SLC35F4: variants seen among roughly 807,000 people sequenced by gnomAD.
SLC35F4 encodes solute carrier family 35 member F4.
A neutral mutation model predicts 44.2 loss-of-function variants in SLC35F4; 24 were observed. The ratio of observed to expected loss-of-function variants is 0.54; its 90% CI spans 0.39 to 0.76. The LOEUF (loss-of-function observed/expected upper bound fraction) is 0.76. SLC35F4 is among the 30% of genes least tolerant of loss of function. The probability of loss-of-function intolerance (pLI) is 0.00; values close to 1 mark genes in which losing one functional copy is unlikely to be tolerated. For missense variants in SLC35F4, 562 were observed against 586.1 expected (o/e 0.96, Z 0.42); for synonymous variants, 238 against 223.6 (o/e 1.06, Z -0.57).
chr14:57,803,660 G>T (rs1184308045), intron 1 of SLC35F4, among the ~76,000 whole-genome samples: 1 of 145,296 alleles, frequency 6.9e-6, no homozygotes, highest in Non-Finnish European at 1.5e-5. Context: ...CACGATCATG[G>T]CTCATTGCAA....
intron 1 of SLC35F4, among the ~76,000 whole-genome samples, chr14:57,620,086 G>A (rs1270409484): frequency 2.0e-5 from 3 of 152,102 alleles, no homozygotes; most frequent in South Asian, 2.1e-4. Flanking sequence ...TGAAAGTTAC[G>A]GGGAGAATGG....
At chr14:57,607,166 G>C (rs2071210452) in intron 1 of SLC35F4, among the ~76,000 whole-genome samples, 1 of 152,138 alleles carries the variant, frequency 6.6e-6, no homozygotes, top group Admixed American at 6.5e-5. Flanking sequence ...CTTCTCTTTG[G>C]GGAAGTGGGC....
In SLC35F4 at chr14:57,623,031, A is replaced by T. The variant is rs539674743; in HGVS notation, c.104-28907T>A. Among the ~76,000 whole-genome samples, 6 of 152,206 alleles carry T rather than the reference A, an allele frequency of 3.9e-5. No homozygotes were observed. The South Asian group carries it at 1.2e-3, about 32-fold the overall frequency. The stretch of plus-strand genomic sequence containing the variant: ...ACACAGACTGGCAAATTGGATAAAG[A>T]GTCAAGACCCATCAGTGTGCTGTAT... On this transcript the variant is annotated intron_variant, in intron 1 of 7. Transcript: ENST00000556826.
chr14:57,646,161 T>C (rs2073499942), intron 1 of SLC35F4, among the ~76,000 whole-genome samples: 1 of 152,250 alleles, frequency 6.6e-6, no homozygotes, highest in South Asian at 2.1e-4. Context: ...AAGGATTCCC[T>C]CTTTTTCTAT....
At chr14:57,813,484 G>A (rs1043344675) in intron 1 of SLC35F4, among the ~76,000 whole-genome samples, 5 of 152,134 alleles carry the variant, frequency 3.3e-5, no homozygotes, top group African/African-American at 1.2e-4. Context: ...CAGCTACACG[G>A]GAGGCTGAGG....
intron 1 of SLC35F4, among the ~76,000 whole-genome samples, chr14:57,683,139 T>C (rs1311312343): frequency 6.6e-6 from 1 of 152,208 alleles, no homozygotes; most frequent in East Asian, 1.9e-4. Context: ...CATAGCTAAT[T>C]CATTTTCTGA....
At chr14:57,675,868 T>C (rs776841659) in intron 1 of SLC35F4, among the ~76,000 whole-genome samples, 1 of 152,118 alleles carries the variant, frequency 6.6e-6, no homozygotes, top group Non-Finnish European at 1.5e-5. Flanking sequence ...ATAAAAATTC[T>C]AGAAGATAGC....
At chr14:57,599,453 T>C (rs1347629095) in intron 1 of SLC35F4, among the ~76,000 whole-genome samples, 4 of 152,176 alleles carry the variant, frequency 2.6e-5, no homozygotes, top group Non-Finnish European at 5.9e-5. Flanking sequence ...TGTGAAACAC[T>C]GTATGTGAGA....
At chr14:57,874,216 C>T (rs188151150) in intron 1 of SLC35F4, among the ~76,000 whole-genome samples, 2 of 152,184 alleles carry the variant, frequency 1.3e-5, no homozygotes, top group Admixed American at 1.3e-4. Flanking sequence ...TCTGCTAACC[C>T]CATCCTCCTT....
intron 1 of SLC35F4, among the ~76,000 whole-genome samples, chr14:57,648,985 G>C (rs554675766): frequency 4.1e-4 from 62 of 150,516 alleles, no homozygotes; most frequent in African/African-American, 1.5e-3. Context: ...CTTCCTTCCT[G>C]TCTGCACACT....
At chr14:57,874,553 C>T (rs184586722) in intron 1 of SLC35F4, among the ~76,000 whole-genome samples, 1 of 152,292 alleles carries the variant, frequency 6.6e-6, no homozygotes, top group Admixed American at 6.5e-5. Context: ...AAGAAGGAAA[C>T]TGAGGCTAGA....
chr14:57,663,488 T>C (rs1454733461), intron 1 of SLC35F4, among the ~76,000 whole-genome samples: 1 of 152,128 alleles, frequency 6.6e-6, no homozygotes, highest in African/African-American at 2.4e-5. Context: ...ACCAAGGGAC[T>C]CTCTGCTCAG....
rs2076220004 is a variant in SLC35F4, at chr14:57,727,003, T to C, written c.104-132879A>G. ...GCTGGATGCTTCCTGCCCTCAAACA[T>C]CGGACTCCAAGTTCTTCAGTTTGGG... is the stretch of plus-strand genomic sequence containing the variant. On this transcript the variant is annotated intron_variant, in intron 1 of 7. Transcript: ENST00000556826. 1.3e-5 allele frequency among the ~76,000 whole-genome samples: 2 copies of C among 152,070 alleles called. 1 individual carries two copies. The highest frequency in any genetic ancestry group is 4.1e-4 in the South Asian group (2 of 4,826).
At chr14:57,622,676 G>T (rs1000334024) in intron 1 of SLC35F4, among the ~76,000 whole-genome samples, 6 of 152,198 alleles carry the variant, frequency 3.9e-5, no homozygotes, top group East Asian at 3.9e-4. Flanking sequence ...TTGTGGGGTT[G>T]GGGGAGTGGG....
In SLC35F4 at chr14:57,842,425, C is replaced by A. The variant is rs112969664; in HGVS notation, c.103+23298G>T. 1.1e-4 allele frequency among the ~76,000 whole-genome samples: 16 copies of A among 152,252 alleles called. 1 individual carries two copies. The highest frequency in any genetic ancestry group is 3.6e-4 in the African/African-American group (15 of 41,566). ...CAACCTTCTCCATCCTACTCTGTGC[C>A]CTAGAAGCTAAGCTATGGGGTCTTC... On this transcript the variant is annotated intron_variant, in intron 1 of 7. Coordinates refer to ENST00000556826, the MANE Select transcript of SLC35F4 (RefSeq NM_001306087.2).
At chr14:57,726,036 A>T (rs889661593) in intron 1 of SLC35F4, among the ~76,000 whole-genome samples, 1 of 152,176 alleles carries the variant, frequency 6.6e-6, no homozygotes, top group Non-Finnish European at 1.5e-5. Flanking sequence ...ATACTTTGGG[A>T]TCCTCTTACC....
intron 1 of SLC35F4, among the ~76,000 whole-genome samples, chr14:57,743,996 G>T (rs986731932): frequency 6.6e-6 from 1 of 152,114 alleles, no homozygotes; most frequent in East Asian, 1.9e-4. Flanking sequence ...CTCAATAGAC[G>T]CAGAAAAAGC....
At chr14:57,751,492 T>A (rs2076882975) in intron 1 of SLC35F4, among the ~76,000 whole-genome samples, 1 of 152,226 alleles carries the variant, frequency 6.6e-6, no homozygotes, top group African/African-American at 2.4e-5. Context: ...TTTTAAGTCA[T>A]TCATTGTACT....
chr14:57,923,498 C>A (rs1353465431), intron 1 of SLC35F4, among the ~76,000 whole-genome samples: 2 of 152,228 alleles, frequency 1.3e-5, no homozygotes, highest in African/African-American at 4.8e-5. Context: ...ATACAGAATT[C>A]TATCCAACCA....
Sources: allele counts gnomAD v4.1 joint callset (sites outside exome capture counted in the v4.1 genomes callset), GRCh38; gene constraint gnomAD v4.1.1; transcripts MANE v1.5; gene names NCBI Gene and HGNC (gene_info 2026-07-23, HGNC 2026-07-21).